The following PLA2R1 variants were observed in gnomAD, a reference collection of about 807,000 sequenced individuals.
PLA2R1 encodes phospholipase A2 receptor 1, also known as secretory phospholipase A2 receptor.
Under a neutral mutation model 195.9 loss-of-function variants are expected in PLA2R1, and 158 were observed. That is an observed-to-expected ratio of 0.81 (90% confidence interval 0.71 to 0.92). The LOEUF is 0.92. Ranked by LOEUF, PLA2R1 falls within the 40% of genes least tolerant of loss-of-function variation. The pLI, the probability that PLA2R1 is intolerant of heterozygous loss-of-function variation, is 0.00. For missense variants in PLA2R1, 1,626 were observed against 1,764.6 expected, an observed-to-expected ratio of 0.92 and a Z score of 1.41; for synonymous variants, 586 against 598.2, an observed-to-expected ratio of 0.98 and a Z score of 0.30.
chr2:160,036,160 A>G (rs1365241483), intron 3 of PLA2R1, among the ~76,000 whole-genome samples: 1 of 152,142 alleles, frequency 6.6e-6, no homozygotes, highest in Non-Finnish European at 1.5e-5. Flanking sequence ...TCCATTTCCT[A>G]TAACTTCCAA....
At chr2:159,949,513 T>C (rs770853136) in intron 25 of PLA2R1, 95 bp downstream of exon 25, 1 of 838,280 alleles carries the variant, frequency 1.2e-6, no homozygotes. Flanking sequence ...AGAGACTTCT[T>C]ACTATACTCA....
At chr2:160,022,622 A>G in intron 7 of PLA2R1, 43 bp downstream of exon 7, 1 of 1,183,022 alleles carries the variant, frequency 8.5e-7, no homozygotes. Context: ...TAGTTACTAC[A>G]TTATATTTTA....
intron 3 of PLA2R1, 48 bp from the exon 4 acceptor site, chr2:160,033,180 C>A: frequency 7.1e-7 from 1 of 1,399,708 alleles, no homozygotes. Context: ...TTTATCTATA[C>A]AGCAACATAT....
intron 17 of PLA2R1, among the ~76,000 whole-genome samples, chr2:159,971,924 G>A (rs1475968739): frequency 6.6e-6 from 1 of 152,090 alleles, no homozygotes; most frequent in African/African-American, 2.4e-5. Context: ...GTATCCCTGA[G>A]GTGTTGTTTC....
intron 1 of PLA2R1, among the ~76,000 whole-genome samples, chr2:160,061,082 C>T (rs536957096): frequency 6.6e-6 from 1 of 152,334 alleles, no homozygotes; most frequent in South Asian, 2.1e-4. Flanking sequence ...TAGACATATT[C>T]TACTGTGGAG....
At chr2:159,983,264 T>C (rs1300842743) in intron 13 of PLA2R1, among the ~76,000 whole-genome samples, 1 of 152,178 alleles carries the variant, frequency 6.6e-6, no homozygotes, top group Non-Finnish European at 1.5e-5. Flanking sequence ...AGACAGCAGA[T>C]GACCACGGTA....
At position 160,016,647 on chromosome 2, in the gene PLA2R1, A is replaced by G; in HGVS notation, c.1518T>C (p.His506=). 1 of 1,608,798 alleles carries G rather than the reference A, an allele frequency of 6.2e-7. No individual in the cohort carries two copies. The highest frequency in any genetic ancestry group is 8.5e-7 in the Non-Finnish European group (1 of 1,175,128). ...RLFYICKKAG[H]VLSDAESGCQ... The stretch of plus-strand genomic sequence containing the variant: ...ATCCTGATTCAGCATCAGAGAGGAC[A>G]TGGCCTGCTTTTTTACAAATGTAAA... The change falls in exon 9 of 30, where the codon CAT becomes CAC. Residue 506 remains histidine, a synonymous_variant. Transcript: ENST00000283243.
chr2:159,962,724 G>C (rs530662959), intron 20 of PLA2R1, among the ~76,000 whole-genome samples: 53 of 152,318 alleles, frequency 3.5e-4, no homozygotes, highest in Admixed American at 1.4e-3. Flanking sequence ...ATGAGTTCAT[G>C]TCCTTTGCAG....
At chr2:160,057,327 G>T (rs114284559) in intron 1 of PLA2R1, among the ~76,000 whole-genome samples, 1 of 152,114 alleles carries the variant, frequency 6.6e-6, no homozygotes, top group African/African-American at 2.4e-5. Context: ...CTGCCCTGAA[G>T]AACCTGTCCT....
At chr2:159,983,698 A>G (rs1489801382) in intron 13 of PLA2R1, among the ~76,000 whole-genome samples, 2 of 152,188 alleles carry the variant, frequency 1.3e-5, no homozygotes, top group African/African-American at 4.8e-5. Context: ...CTTGAGGCAC[A>G]AAGAAAAGAT....
chr2:159,943,309 C>T (rs993402808), intron 28 of PLA2R1, among the ~76,000 whole-genome samples: 3 of 152,110 alleles, frequency 2.0e-5, no homozygotes, highest in African/African-American at 4.8e-5. Flanking sequence ...TGCCATTTAA[C>T]GTTGCATTAA....
At chr2:160,059,983 G>C (rs1421573920) in intron 1 of PLA2R1, among the ~76,000 whole-genome samples, 1 of 152,182 alleles carries the variant, frequency 6.6e-6, no homozygotes, top group East Asian at 1.9e-4. Context: ...TGGGGGCATA[G>C]CCAAACCATA....
Position 160,062,575 on chromosome 2 carries a change from C to T in PLA2R1, c.-172G>A, listed in dbSNP as rs998862361. 3 of 1,174,704 alleles carry T rather than the reference C, an allele frequency of 2.6e-6. No individual in the cohort carries two copies. Among genetic ancestry groups the T allele is most frequent in the Admixed American group, 3.9e-5 (1 of 25,932 alleles). The allele number at this position is 1,174,704 out of a possible 1,614,324, so 72.8% of individuals were successfully genotyped here. On this transcript the variant is annotated 5_prime_UTR_variant, in exon 1 of 30. Transcript: ENST00000283243. The stretch of plus-strand genomic sequence containing the variant: ...AGCCCAGAGCCCTGGAGACCCACTC[C>T]GCCACCGCTGTCTCCACAGTGAACC...
At chr2:159,988,807 C>G (rs768781995) in intron 11 of PLA2R1, among the ~76,000 whole-genome samples, 3 of 152,048 alleles carry the variant, frequency 2.0e-5, no homozygotes, top group Non-Finnish European at 4.4e-5. Flanking sequence ...TTGTTTTATG[C>G]TCATGGAAAG....
chr2:159,945,138 A>G (rs1264069231), intron 27 of PLA2R1, 56 bp from the exon 28 acceptor site: 1 of 1,139,580 alleles, frequency 8.8e-7, no homozygotes, highest in Non-Finnish European at 1.2e-6. Context: ...CAAACATACT[A>G]AGACTGGAAT....
In PLA2R1 at chr2:159,941,965, G is replaced by T. The variant is rs367882295; in HGVS notation, c.4205C>A (p.Ala1402Glu). ...KGPSHSIIPL[A>E]VVLTLIVIVA... ...AATGACTATCAGTGTCAGTACAACCGCAAGAGGAATGATGCTGTGACTTGG... is the reference window on the plus strand; with the variant it reads ...AATGACTATCAGTGTCAGTACAACCTCAAGAGGAATGATGCTGTGACTTGG... Residue 1402 changes from alanine (A) to glutamate (E), a missense_variant, in exon 30 of 30, where the codon GCG becomes GAG. By Grantham distance (107) the Ala-to-Glu change is moderately radical. Coordinates refer to ENST00000283243, the MANE Select transcript of PLA2R1 (RefSeq NM_007366.5). The T allele has an allele frequency of 4.3e-6, 7 of 1,613,404 alleles. No individual in the cohort carries two copies. In the African/African-American group the frequency reaches 5.3e-5, roughly 12 times the overall value.
chr2:160,053,559 T>C (rs552443673), intron 1 of PLA2R1, among the ~76,000 whole-genome samples: 4 of 152,286 alleles, frequency 2.6e-5, no homozygotes, highest in Non-Finnish European at 5.9e-5. Context: ...ATTGAGGATA[T>C]GTGAGAGGTT....
chr2:159,999,139 A>C (rs1691423780), intron 11 of PLA2R1, among the ~76,000 whole-genome samples: 2 of 152,284 alleles, frequency 1.3e-5, no homozygotes, highest in South Asian at 4.1e-4. Flanking sequence ...GAAGGCCTTC[A>C]GCAGACACTG....
chr2:160,048,474 T>C (rs1695021612), intron 1 of PLA2R1, among the ~76,000 whole-genome samples: 1 of 152,232 alleles, frequency 6.6e-6, no homozygotes, highest in Non-Finnish European at 1.5e-5. Flanking sequence ...CTAGCACTGT[T>C]AATCTCCATA....
Sources: allele counts gnomAD v4.1 joint callset (sites outside exome capture counted in the v4.1 genomes callset), GRCh38; gene constraint gnomAD v4.1.1; transcripts MANE v1.5; gene names NCBI Gene and HGNC (gene_info 2026-07-23, HGNC 2026-07-21).